The following AGMO variants were observed in gnomAD, a reference collection of about 807,000 sequenced individuals.
The protein encoded by AGMO is alkylglycerol monooxygenase, also known as glyceryl-ether monooxygenase.
Under a neutral mutation model 60.2 loss-of-function variants are expected in AGMO, and 75 were observed. The observed-to-expected ratio is 1.25, with a 90% CI of 1.03 to 1.51. The LOEUF (loss-of-function observed/expected upper bound fraction) is 1.51, where lower values mean the gene tolerates loss of function less well. Ranked by LOEUF, AGMO falls within the 40% of genes most tolerant of loss-of-function variation. AGMO has a pLI of 0.00. For missense variants in AGMO, 763 were observed against 525.5 expected, an observed-to-expected ratio of 1.45 and a Z score of -4.42; for synonymous variants, 261 against 177.1, an observed-to-expected ratio of 1.47 and a Z score of -3.76.
chr7:15,235,692 T>C (rs6952254), intron 12 of AGMO, among the ~76,000 whole-genome samples: 32,818 of 152,116 alleles, frequency 0.22, 3,790 homozygotes, highest in South Asian at 0.32. Context: ...TAGCCACTAA[T>C]AGCTGTAGAC....
At chr7:15,557,218 C>A (rs554375921) in intron 2 of AGMO, among the ~76,000 whole-genome samples, 1 of 152,086 alleles carries the variant, frequency 6.6e-6, no homozygotes, top group African/African-American at 2.4e-5. Flanking sequence ...AAAACACGTT[C>A]GCTTTGATTT....
At chr7:15,493,156 G>A (rs1346960274) in intron 3 of AGMO, among the ~76,000 whole-genome samples, 1 of 151,836 alleles carries the variant, frequency 6.6e-6, no homozygotes, top group African/African-American at 2.4e-5. Context: ...TATTTTTATT[G>A]TTATATAATT....
intron 3 of AGMO, among the ~76,000 whole-genome samples, chr7:15,536,483 T>A (rs1316311808): frequency 6.6e-6 from 1 of 151,930 alleles, no homozygotes; most frequent in Non-Finnish European, 1.5e-5. Context: ...TTTGTAAATT[T>A]CAGAATTAAT....
chr7:15,377,217 C>T (rs1053041937), intron 10 of AGMO, among the ~76,000 whole-genome samples: 2 of 152,048 alleles, frequency 1.3e-5, no homozygotes, highest in Admixed American at 6.6e-5. Flanking sequence ...CCTAGTCACA[C>T]AGCATGTTCT....
the AGMO span, among the ~76,000 whole-genome samples, chr7:15,149,552 C>T: frequency 0.014 from 2,149 of 152,082 alleles, 18 homozygotes; most frequent in Middle Eastern, 0.031. Context: ...TATCACGTAC[C>T]GTTTATTGAC....
intron 3 of AGMO, among the ~76,000 whole-genome samples, chr7:15,480,576 G>T (rs1425690928): frequency 6.6e-6 from 1 of 152,060 alleles, no homozygotes; most frequent in Non-Finnish European, 1.5e-5. Flanking sequence ...ATGTTGCCTG[G>T]AATTCTCCTT....
At chr7:15,405,942 T>C (rs903693863) in intron 5 of AGMO, among the ~76,000 whole-genome samples, 4 of 151,864 alleles carry the variant, frequency 2.6e-5, no homozygotes, top group African/African-American at 7.2e-5. Context: ...CCCTGAAATG[T>C]TCTCTTCTTC....
chr7:15,162,221 C>A, the AGMO span, among the ~76,000 whole-genome samples: 1 of 152,128 alleles, frequency 6.6e-6, no homozygotes, highest in African/African-American at 2.4e-5. Flanking sequence ...AACTGTGAGT[C>A]AACTAAACCA....
At chr7:15,251,300 G>A in intron 12 of AGMO, among the ~76,000 whole-genome samples, 1 of 152,110 alleles carries the variant, frequency 6.6e-6, no homozygotes, top group Non-Finnish European at 1.5e-5. Context: ...TTAAATCAGA[G>A]ACTGAGGGGT....
the AGMO span, among the ~76,000 whole-genome samples, chr7:15,162,391 G>A: frequency 6.6e-6 from 1 of 152,144 alleles, no homozygotes; most frequent in African/African-American, 2.4e-5. Flanking sequence ...AGGATGGGGT[G>A]ATTAGAAATA....
rs555365947 is a variant in AGMO, at chr7:15,430,633, A to T, written c.513+372T>A. On this transcript the variant is annotated intron_variant, in intron 4 of 12. Coordinates refer to ENST00000342526, the MANE Select transcript of AGMO (RefSeq NM_001004320.2). ...AAAAAAAACAACTGGTTTTTTTTAAAAAAAAAAAAAAAACTGGTAAAAGTT... is the reference window on the plus strand; with the variant it reads ...AAAAAAAACAACTGGTTTTTTTTAATAAAAAAAAAAAAACTGGTAAAAGTT... Among the ~76,000 whole-genome samples the T allele has an allele frequency of 6.7e-3, 735 of 109,948 alleles. 1 individual carries two copies. The highest frequency in any genetic ancestry group is 0.022 in the Middle Eastern group (4 of 182). The allele number at this position is 109,948 out of a possible 152,430, so 72.1% of individuals were successfully genotyped here.
intron 12 of AGMO, among the ~76,000 whole-genome samples, chr7:15,212,390 C>CT (rs1241955866): frequency 2.0e-5 from 3 of 151,822 alleles, no homozygotes; most frequent in Non-Finnish European, 2.9e-5. Context: ...TTATCTCACT[C>CT]TTTTTTTATG....
At chr7:15,368,145 A>ATC (rs1783056551) in intron 10 of AGMO, among the ~76,000 whole-genome samples, 3 of 152,026 alleles carry the variant, frequency 2.0e-5, no homozygotes, top group Non-Finnish European at 4.4e-5. Context: ...GTTTAGGAAT[A>ATC]GGGGCACAAT....
chr7:15,225,385 CTA>C (rs1177753300), intron 12 of AGMO, among the ~76,000 whole-genome samples: 1 of 151,764 alleles, frequency 6.6e-6, no homozygotes, highest in Non-Finnish European at 1.5e-5. Flanking sequence ...GTTTTAATTA[CTA>C]TGTCAAAGAT....
At chr7:15,526,338 C>A (rs966017889) in intron 3 of AGMO, among the ~76,000 whole-genome samples, 2 of 152,180 alleles carry the variant, frequency 1.3e-5, no homozygotes, top group Admixed American at 1.3e-4. Context: ...TACATGGCAT[C>A]CTTAACTTAA....
At chr7:15,427,489 T>C (rs1781099445) in intron 4 of AGMO, among the ~76,000 whole-genome samples, 2 of 152,166 alleles carry the variant, frequency 1.3e-5, no homozygotes, top group Non-Finnish European at 2.9e-5. Flanking sequence ...GTATGTTTAA[T>C]CCCTAATGTT....
intron 12 of AGMO, among the ~76,000 whole-genome samples, chr7:15,359,783 A>G (rs1013192405): frequency 6.6e-6 from 1 of 152,256 alleles, no homozygotes; most frequent in Non-Finnish European, 1.5e-5. Context: ...GGTCACTGCA[A>G]TCATGACTAA....
chr7:15,383,007 T>G (rs1028396111), intron 10 of AGMO, among the ~76,000 whole-genome samples: 4 of 152,100 alleles, frequency 2.6e-5, no homozygotes, highest in African/African-American at 7.2e-5. Flanking sequence ...AATTTTTTTT[T>G]CAAGCCACTC....
rs117725620 is a variant in AGMO, at chr7:15,509,559, G to T, written c.409+35213C>A. ...TCTTGATATGACACTAAAAGCTCAG[G>T]AAACAATAGTAAAAATAAACAAATA... is the stretch of plus-strand genomic sequence containing the variant. On this transcript the variant is annotated intron_variant, in intron 3 of 12. Coordinates refer to ENST00000342526, the MANE Select transcript of AGMO (RefSeq NM_001004320.2). Among the ~76,000 whole-genome samples, 6 of 151,978 alleles carry T rather than the reference G, an allele frequency of 3.9e-5. No homozygotes were observed. In the East Asian group the frequency reaches 1.2e-3, roughly 29 times the overall value.
Sources: gnomAD v4.1 joint callset for allele counts (sites outside exome capture counted in the v4.1 genomes callset) on GRCh38, gnomAD v4.1.1 for gene constraint, MANE v1.5 for transcripts, NCBI Gene and HGNC (gene_info 2026-07-23, HGNC 2026-07-21) for gene names.